Variants in DCC observed in about 807,000 individuals in gnomAD.
DCC encodes DCC netrin 1 receptor, also known as netrin receptor DCC.
Under a neutral mutation model 172.5 loss-of-function variants are expected in DCC, and 58 were observed. The ratio of observed to expected loss-of-function variants is 0.34; its 90% CI spans 0.27 to 0.42. The LOEUF is 0.42. Among genes scored for constraint, DCC ranks in the 10% least tolerant of loss-of-function variants. DCC has a pLI of 1.00. For synonymous variants in DCC, 709 were observed against 644.5 expected, an observed-to-expected ratio of 1.10 and a Z score of -1.52; for missense variants, 1,740 against 1,791.0, an observed-to-expected ratio of 0.97 and a Z score of 0.51.
rs190534125 is a variant in DCC at position 53,260,611 on chromosome 18, C to T, written c.1912-44967C>T. Among the ~76,000 whole-genome samples, 448 of 152,248 alleles carry T rather than the reference C, an allele frequency of 2.9e-3. 4 individuals are homozygous for T. Among genetic ancestry groups the T allele is most frequent in the Admixed American group, 0.022 (333 of 15,290 alleles). Reference sequence around the variant, plus strand: ...GGCTGTGTGAGGTGTCAGTCTGCCCCTACTGGGGGGTGCCTCCCAGTTAGG... The same window carrying T: ...GGCTGTGTGAGGTGTCAGTCTGCCCTTACTGGGGGGTGCCTCCCAGTTAGG... On this transcript the variant is annotated intron_variant, in intron 12 of 28. Transcript: ENST00000442544.
intron 5 of DCC, among the ~76,000 whole-genome samples, chr18:53,022,241 C>T (rs1471254270): frequency 4.0e-5 from 6 of 151,842 alleles, no homozygotes; most frequent in Non-Finnish European, 8.8e-5. Context: ...ATTAGATATT[C>T]TTATTTTAAG....
chr18:53,042,435 A>T (rs2042181409), intron 5 of DCC, among the ~76,000 whole-genome samples: 1 of 151,900 alleles, frequency 6.6e-6, no homozygotes, highest in African/African-American at 2.4e-5. Flanking sequence ...TTTCACATCG[A>T]TGTTCGTCAG....
intron 2 of DCC, among the ~76,000 whole-genome samples, chr18:52,779,369 T>G (rs1413093732): frequency 6.6e-6 from 1 of 152,176 alleles, no homozygotes; most frequent in Non-Finnish European, 1.5e-5. Context: ...GTGTACTAAT[T>G]GTTCAACTCC....
chr18:53,241,972 G>A (rs1243747547), intron 12 of DCC, among the ~76,000 whole-genome samples: 1 of 152,142 alleles, frequency 6.6e-6, no homozygotes, highest in African/African-American at 2.4e-5. Flanking sequence ...CAGATGACAT[G>A]ATTTTATATT....
At chr18:53,498,927 G>A (rs139180237) in intron 26 of DCC, among the ~76,000 whole-genome samples, 1 of 152,140 alleles carries the variant, frequency 6.6e-6, no homozygotes, top group Non-Finnish European at 1.5e-5. Context: ...GCTGTAACAG[G>A]GTTTGGTACA....
chr18:52,632,146 G>T (rs1346544510), intron 1 of DCC, among the ~76,000 whole-genome samples: 2 of 152,090 alleles, frequency 1.3e-5, no homozygotes, highest in African/African-American at 4.8e-5. Flanking sequence ...CTAGAGCTCT[G>T]TTCCTTTGAG....
intron 28 of DCC, among the ~76,000 whole-genome samples, chr18:53,529,038 TCACACACACACACACACACA>T (rs140593675): frequency 3.1e-5 from 2 of 65,182 alleles, no homozygotes; most frequent in African/African-American, 1.2e-4. Context: ...TCTCTCTCTC[TCACACACACACACACACACA>T]CACACACACA....
intron 8 of DCC, among the ~76,000 whole-genome samples, chr18:53,169,576 G>C (rs530137302): frequency 2.0e-5 from 3 of 152,130 alleles, no homozygotes; most frequent in Non-Finnish European, 4.4e-5. Context: ...GAATGAAGTG[G>C]AGAAGATTTG....
intron 2 of DCC, among the ~76,000 whole-genome samples, chr18:52,804,172 T>A (rs1013139494): frequency 1.2e-4 from 18 of 152,244 alleles, no homozygotes; most frequent in Admixed American, 9.8e-4. Context: ...AAACAAATCA[T>A]TAAATGTATT....
intron 1 of DCC, among the ~76,000 whole-genome samples, chr18:52,356,195 T>C (rs934686582): frequency 2.6e-5 from 4 of 152,128 alleles, no homozygotes; most frequent in African/African-American, 9.7e-5. Context: ...TTTATAATAG[T>C]TTTAAGGAGG....
rs191372057 is a variant in DCC at position 53,036,029 on chromosome 18, G to A, written c.986-27276G>A. Among the ~76,000 whole-genome samples the A allele has an allele frequency of 7.2e-5, 11 of 152,056 alleles. No homozygotes were observed. The East Asian group carries it at 1.5e-3, about 21-fold the overall frequency. ...TCGATGTTGGACACTTGGTAAGAGG[G>A]AATACACATTTCGAGGGCTCTTTAT... On this transcript the variant is annotated intron_variant, in intron 5 of 28. Coordinates refer to ENST00000442544, the MANE Select transcript of DCC (RefSeq NM_005215.4).
intron 5 of DCC, among the ~76,000 whole-genome samples, chr18:52,989,347 AC>A (rs1382804221): frequency 1.3e-5 from 2 of 152,028 alleles, no homozygotes; most frequent in Non-Finnish European, 2.9e-5. Flanking sequence ...ACATGGTGAA[AC>A]CCTGTCTCTA....
chr18:52,525,383 C>T (rs974232835), intron 1 of DCC, among the ~76,000 whole-genome samples: 14 of 152,198 alleles, frequency 9.2e-5, no homozygotes, highest in Non-Finnish European at 1.0e-4. Flanking sequence ...CTACTCCTAC[C>T]CATCTGTAGC....
chr18:52,617,091 A>G (rs1160212172), intron 1 of DCC, among the ~76,000 whole-genome samples: 1 of 152,150 alleles, frequency 6.6e-6, no homozygotes, highest in Non-Finnish European at 1.5e-5. Context: ...TATCCGACGA[A>G]GGTGTACTGT....
chr18:52,694,470 G>T (rs944874304), intron 1 of DCC, among the ~76,000 whole-genome samples: 2 of 152,076 alleles, frequency 1.3e-5, no homozygotes, highest in Non-Finnish European at 2.9e-5. Context: ...AGTCCCTTCC[G>T]GTATAGGATT....
intron 2 of DCC, among the ~76,000 whole-genome samples, chr18:52,843,695 CA>C (rs2038841956): frequency 6.6e-6 from 1 of 152,144 alleles, no homozygotes; most frequent in African/African-American, 2.4e-5. Context: ...AGCATCTTTT[CA>C]TCACTCACTG....
intron 5 of DCC, among the ~76,000 whole-genome samples, chr18:53,000,926 C>A (rs2041555854): frequency 6.6e-6 from 1 of 151,920 alleles, no homozygotes; most frequent in Admixed American, 6.6e-5. Flanking sequence ...TTTTCTCTTA[C>A]CTACATTCTG....
At chr18:53,526,545 G>A (rs1305756838) in intron 27 of DCC, 72 bp from the exon 28 acceptor site, 2 of 1,453,922 alleles carry the variant, frequency 1.4e-6, no homozygotes, top group East Asian at 2.3e-5. Flanking sequence ...CCTGGATATG[G>A]TGTATATACT....
At chr18:52,951,669 G>A (rs911614990) in intron 5 of DCC, among the ~76,000 whole-genome samples, 1 of 152,178 alleles carries the variant, frequency 6.6e-6, no homozygotes, top group African/African-American at 2.4e-5. Flanking sequence ...TATTTGGAAA[G>A]CAGTATGTAG....
Sources: gnomAD v4.1 joint callset for allele counts (sites outside exome capture counted in the v4.1 genomes callset) on GRCh38, gnomAD v4.1.1 for gene constraint, MANE v1.5 for transcripts, NCBI Gene and HGNC (gene_info 2026-07-23, HGNC 2026-07-21) for gene names.